TAF4B: variants seen among roughly 807,000 people sequenced by gnomAD.
TAF4B encodes transcription initiation factor TFIID subunit 4B.
A neutral mutation model predicts 86.4 loss-of-function variants in TAF4B; 38 were observed. That is an observed-to-expected ratio of 0.44 (90% confidence interval 0.34 to 0.58). The LOEUF (loss-of-function observed/expected upper bound fraction) is 0.58. TAF4B is among the 20% of genes least tolerant of loss of function. The probability of loss-of-function intolerance (pLI) is 0.02; values close to 1 mark genes in which losing one functional copy is unlikely to be tolerated. For synonymous variants in TAF4B, 388 were observed against 391.2 expected, an observed-to-expected ratio of 0.99 and a Z score of 0.10; for missense variants, 988 against 1,027.6, an observed-to-expected ratio of 0.96 and a Z score of 0.53.
At chr18:26,288,590 G>T (rs1021423984) in intron 7 of TAF4B, among the ~76,000 whole-genome samples, 1 of 152,106 alleles carries the variant, frequency 6.6e-6, no homozygotes, top group Non-Finnish European at 1.5e-5. Flanking sequence ...AGCCAAGATC[G>T]CACCACAGCA....
intron 12 of TAF4B, among the ~76,000 whole-genome samples, chr18:26,333,217 G>GTTA (rs1250723681): frequency 6.7e-6 from 1 of 149,292 alleles, no homozygotes; most frequent in Non-Finnish European, 1.5e-5. Context: ...TTTTTAAATT[G>GTTA]TTATTATTAT....
At chr18:26,308,213 C>T (rs774150788) in intron 9 of TAF4B, among the ~76,000 whole-genome samples, 25 of 152,026 alleles carry the variant, frequency 1.6e-4, no homozygotes, top group Non-Finnish European at 3.1e-4. Context: ...GAGATTGCAC[C>T]GCTGCACTCC....
chr18:26,231,699 G>C (rs1233520519), intron 1 of TAF4B, among the ~76,000 whole-genome samples: 1 of 152,020 alleles, frequency 6.6e-6, no homozygotes, highest in Non-Finnish European at 1.5e-5. Flanking sequence ...GTTCCTTCTG[G>C]TGGGTTTGTG....
intron 7 of TAF4B, among the ~76,000 whole-genome samples, chr18:26,290,313 AACTTTTT>A (rs2056576607): frequency 6.6e-6 from 1 of 152,098 alleles, no homozygotes; most frequent in Admixed American, 6.6e-5. Flanking sequence ...CTAATTAAAA[AACTTTTT>A]ATTTTGATTA....
At chr18:26,376,546 G>A (rs939876691) in intron 14 of TAF4B, among the ~76,000 whole-genome samples, 9 of 149,522 alleles carry the variant, frequency 6.0e-5, no homozygotes, top group African/African-American at 2.2e-4. Context: ...CTGCAGCCTT[G>A]CTGAACTTGT....
chr18:26,226,757 G>A lies in TAF4B; in HGVS notation c.-177G>A. The A allele has an allele frequency of 2.1e-6, 1 of 478,966 alleles. No homozygotes were observed. Among genetic ancestry groups the A allele is most frequent in the Non-Finnish European group, 3.5e-6 (1 of 286,358 alleles). The allele number at this position is 478,966 out of a possible 1,614,324, so 29.7% of individuals were successfully genotyped here. The stretch of plus-strand genomic sequence containing the variant: ...CGGACGAGAGGAAGGTCCGGGACGC[G>A]CGTGTCCTGCCGTGCAGCGGGCGCC... On this transcript the variant is annotated 5_prime_UTR_variant, in exon 1 of 15. Coordinates refer to ENST00000269142, the MANE Select transcript of TAF4B (RefSeq NM_005640.3).
At chr18:26,255,603 C>CA (rs71169836) in intron 1 of TAF4B, 24,780 of 479,726 alleles carry the variant, frequency 0.052, 3 homozygotes, top group East Asian at 0.11. Flanking sequence ...ACTCTGTCTC[C>CA]AAAAAAAAAA....
At chr18:26,232,361 T>C (rs913472182) in intron 1 of TAF4B, among the ~76,000 whole-genome samples, 2 of 152,122 alleles carry the variant, frequency 1.3e-5, no homozygotes, top group South Asian at 2.1e-4. Flanking sequence ...TCTAGGCCAG[T>C]CAAAGGGCCA....
chr18:26,314,317 A>G (rs1184940522), intron 9 of TAF4B, among the ~76,000 whole-genome samples: 2 of 152,218 alleles, frequency 1.3e-5, no homozygotes, highest in Non-Finnish European at 2.9e-5. Context: ...AGGGAATTTT[A>G]GTATTTCTTT....
At chr18:26,249,944 A>C (rs2055980515) in intron 1 of TAF4B, among the ~76,000 whole-genome samples, 1 of 152,152 alleles carries the variant, frequency 6.6e-6, no homozygotes, top group African/African-American at 2.4e-5. Flanking sequence ...GCTGGTCTCA[A>C]ACCTCTGGCT....
chr18:26,366,989 T>G (rs1567925017), intron 14 of TAF4B, among the ~76,000 whole-genome samples: 1 of 152,170 alleles, frequency 6.6e-6, no homozygotes. Flanking sequence ...ATTAGTTGCT[T>G]CCCCAAAGTT....
intron 1 of TAF4B, among the ~76,000 whole-genome samples, chr18:26,230,562 TGGCATTACTCTGTC>T (rs2055649226): frequency 6.6e-6 from 1 of 152,198 alleles, no homozygotes; most frequent in African/African-American, 2.4e-5. Flanking sequence ...ATAGTGGCCA[TGGCATTACTCTGTC>T]GGTAGTCAGC....
chr18:26,295,688 T>C (rs2056654387), intron 9 of TAF4B, among the ~76,000 whole-genome samples: 1 of 152,166 alleles, frequency 6.6e-6, no homozygotes, highest in Non-Finnish European at 1.5e-5. Flanking sequence ...GTTAAAACTA[T>C]TTTTCAGTGT....
chr18:26,350,807 T>C (rs961876758), intron 13 of TAF4B, among the ~76,000 whole-genome samples: 3 of 151,956 alleles, frequency 2.0e-5, no homozygotes, highest in Non-Finnish European at 2.9e-5. Context: ...GAAATGAAAA[T>C]TAAAACCACA....
In TAF4B at chr18:26,230,664, C is replaced by A. The variant is rs115094790; in HGVS notation, c.343+3388C>A. The stretch of plus-strand genomic sequence containing the variant: ...GTTAGGTTCTCCTGTTACGTGTTTC[C>A]ATTTGGATGCCGTGCTTTCACTCTC... On this transcript the variant is annotated intron_variant, in intron 1 of 14. Transcript: ENST00000269142. Among the ~76,000 whole-genome samples the A allele has an allele frequency of 4.8e-3, 730 of 152,272 alleles. 8 individuals carry two copies. The highest frequency in any genetic ancestry group is 0.017 in the African/African-American group (692 of 41,556).
At chr18:26,285,318 G>A (rs2056506269) in intron 6 of TAF4B, among the ~76,000 whole-genome samples, 1 of 144,112 alleles carries the variant, frequency 6.9e-6, no homozygotes, top group South Asian at 2.3e-4. Flanking sequence ...CTCCCGAGTA[G>A]CTGGGACTAC....
chr18:26,275,624 T>G (rs1350849572), intron 5 of TAF4B, among the ~76,000 whole-genome samples: 1 of 152,194 alleles, frequency 6.6e-6, no homozygotes, highest in Admixed American at 6.5e-5. Context: ...TGTTTTGATA[T>G]ATATATTATT....
At chr18:26,267,683 A>G (rs1348681968) in intron 3 of TAF4B, 60 bp downstream of exon 3, 5 of 1,175,092 alleles carry the variant, frequency 4.3e-6, no homozygotes, top group Middle Eastern at 3.9e-4. Context: ...AAAATCATTT[A>G]GCTATCTCCT....
At chr18:26,362,162 T>G (rs937930510) in intron 14 of TAF4B, among the ~76,000 whole-genome samples, 2 of 152,196 alleles carry the variant, frequency 1.3e-5, no homozygotes, top group Non-Finnish European at 2.9e-5. Context: ...GTTTGCTTCT[T>G]GACTCTGTTA....
Sources: gnomAD v4.1 joint callset for allele counts (sites outside exome capture counted in the v4.1 genomes callset) on GRCh38, gnomAD v4.1.1 for gene constraint, MANE v1.5 for transcripts, NCBI Gene and HGNC (gene_info 2026-07-23, HGNC 2026-07-21) for gene names.